Variants in ARHGEF38 observed in about 807,000 individuals in gnomAD.
ARHGEF38 encodes Rho guanine nucleotide exchange factor (GEF) 38.
Under a neutral mutation model 79.9 loss-of-function variants are expected in ARHGEF38, and 79 were observed. That is an observed-to-expected ratio of 0.99 (90% CI 0.82 to 1.19). The LOEUF (loss-of-function observed/expected upper bound fraction) is 1.19, where lower values mean the gene tolerates loss of function less well. ARHGEF38 is among the 50% of genes most tolerant of loss of function. The pLI is 0.00. For missense variants in ARHGEF38, 962 were observed against 907.2 expected (o/e 1.06, Z -0.78); for synonymous variants, 366 against 328.3 (o/e 1.11, Z -1.24).
chr4:105,650,717 T>C (rs1480922662), intron 7 of ARHGEF38, among the ~76,000 whole-genome samples: 1 of 152,216 alleles, frequency 6.6e-6, no homozygotes, highest in African/African-American at 2.4e-5. Flanking sequence ...CTTGTGACTG[T>C]ACCAAATTTA....
At chr4:105,672,369 A>G (rs1456745492) in intron 13 of ARHGEF38, among the ~76,000 whole-genome samples, 1 of 152,192 alleles carries the variant, frequency 6.6e-6, no homozygotes, top group Non-Finnish European at 1.5e-5. Context: ...AAGTTCCCCC[A>G]AATTATATTC....
intron 13 of ARHGEF38, 63 bp downstream of exon 13, chr4:105,667,766 C>G (rs1036277171): frequency 1.3e-6 from 2 of 1,500,688 alleles, no homozygotes; most frequent in Non-Finnish European, 8.9e-7. Flanking sequence ...CTCTACTGTA[C>G]TCTATAATAC....
At chr4:105,589,961 C>T (rs568217578) in intron 2 of ARHGEF38, among the ~76,000 whole-genome samples, 3 of 151,446 alleles carry the variant, frequency 2.0e-5, no homozygotes, top group African/African-American at 7.3e-5. Context: ...ATTGCTTGAA[C>T]CCGGGAGACA....
intron 1 of ARHGEF38, chr4:105,563,242 T>C (rs1186851805): frequency 3.3e-5 from 5 of 152,154 alleles, no homozygotes; most frequent in African/African-American, 1.2e-4. Flanking sequence ...AAGAGCTTAA[T>C]TGCACCTCTG....
At chr4:105,604,490 C>G (rs1005305603) in intron 2 of ARHGEF38, among the ~76,000 whole-genome samples, 3 of 152,038 alleles carry the variant, frequency 2.0e-5, no homozygotes, top group Non-Finnish European at 4.4e-5. Flanking sequence ...CTTTTCCTTT[C>G]TTTTGCAAAA....
intron 1 of ARHGEF38, among the ~76,000 whole-genome samples, chr4:105,562,471 T>C (rs1468575414): frequency 6.6e-6 from 1 of 152,184 alleles, no homozygotes; most frequent in Non-Finnish European, 1.5e-5. Context: ...CACTATGTAA[T>C]GGTAGTTAAC....
intron 1 of ARHGEF38, among the ~76,000 whole-genome samples, chr4:105,585,120 G>A (rs547311870): frequency 6.6e-6 from 1 of 152,202 alleles, no homozygotes; most frequent in South Asian, 2.1e-4. Flanking sequence ...TGGGATAATT[G>A]TTTGCTCTAG....
At position 105,587,450 on chromosome 4, in the gene ARHGEF38, T is replaced by C. The variant is rs1444875198; in HGVS notation, c.197-1798T>C. ...TCTGTTCTTATATAGCTCATGTGGA[T>C]TATGATTTATGATTATGATTATTAT... is the stretch of plus-strand genomic sequence containing the variant. On this transcript the variant is annotated intron_variant, in intron 1 of 13. Coordinates refer to ENST00000420470, the MANE Select transcript of ARHGEF38 (RefSeq NM_001242729.2). Among the ~76,000 whole-genome samples the C allele has an allele frequency of 2.6e-5, 4 of 152,080 alleles. No homozygotes were observed. The South Asian group carries it at 6.2e-4, about 24-fold the overall frequency.
chr4:105,568,132 A>C (rs576801924), intron 1 of ARHGEF38, among the ~76,000 whole-genome samples: 5 of 151,876 alleles, frequency 3.3e-5, no homozygotes, highest in African/African-American at 1.2e-4. Context: ...TTATGGCTGC[A>C]TAGTATTCCA....
At chr4:105,605,750 A>G (rs1317624583) in intron 2 of ARHGEF38, among the ~76,000 whole-genome samples, 1 of 152,160 alleles carries the variant, frequency 6.6e-6, no homozygotes, top group Non-Finnish European at 1.5e-5. Flanking sequence ...TAAATGCCAT[A>G]GTAATGAGTT....
intron 2 of ARHGEF38, among the ~76,000 whole-genome samples, chr4:105,612,332 T>C (rs571578621): frequency 6.6e-6 from 1 of 152,278 alleles, no homozygotes; most frequent in South Asian, 2.1e-4. Flanking sequence ...TTTTCTTTAA[T>C]TGGATTCTCT....
At position 105,648,658 on chromosome 4, in the gene ARHGEF38, G is replaced by A. The variant is rs748606061; in HGVS notation, c.984G>A (p.Lys328=). The stretch of plus-strand genomic sequence containing the variant: ...CAAAAAGAGTGACAAATCATCTGAA[G>A]ATTCTGACCAGAGGAGAATCACAGG... The part of the protein sequence containing the change: ...KKSKRVTNHL[K]ILTRGESQVK... The change falls in exon 7 of 14, where the codon AAG becomes AAA. Residue 328 remains lysine (K), a synonymous_variant. Coordinates refer to ENST00000420470, the MANE Select transcript of ARHGEF38 (RefSeq NM_001242729.2). 7 of 1,530,572 alleles carry A rather than the reference G, an allele frequency of 4.6e-6. No individual in the cohort carries two copies. The South Asian group carries it at 4.8e-5, about 11-fold the overall frequency. 94.8% of individuals were successfully genotyped at this position (1,530,572 alleles called of 1,614,324 possible).
At chr4:105,638,320 A>T (rs537395298) in intron 5 of ARHGEF38, among the ~76,000 whole-genome samples, 2 of 152,292 alleles carry the variant, frequency 1.3e-5, no homozygotes, top group Non-Finnish European at 2.9e-5. Flanking sequence ...AACATCAGAC[A>T]GTATTAAAGT....
chr4:105,666,494 G>A (rs1337386400), intron 11 of ARHGEF38, among the ~76,000 whole-genome samples, 174 bp downstream of exon 11: 2 of 152,072 alleles, frequency 1.3e-5, no homozygotes, highest in Non-Finnish European at 2.9e-5. Context: ...ATAAGATCAT[G>A]GATTTTTTTT....
intron 1 of ARHGEF38, among the ~76,000 whole-genome samples, chr4:105,583,010 T>C (rs1351443842): frequency 1.3e-5 from 2 of 152,212 alleles, no homozygotes; most frequent in Non-Finnish European, 2.9e-5. Context: ...TCTTCTTGTG[T>C]GCTTATGTTC....
intron 2 of ARHGEF38, among the ~76,000 whole-genome samples, chr4:105,612,252 TTGTC>T (rs1728326703): frequency 6.6e-6 from 1 of 152,108 alleles, no homozygotes; most frequent in South Asian, 2.1e-4. Context: ...TTGTTGGCCT[TTGTC>T]TGCAGAATTC....
intron 1 of ARHGEF38, among the ~76,000 whole-genome samples, chr4:105,566,763 T>TC (rs1176878299): frequency 6.6e-6 from 1 of 151,656 alleles, no homozygotes; most frequent in African/African-American, 2.4e-5. Flanking sequence ...TTTTTTTTTT[T>TC]TTTTTAAGAG....
At chr4:105,643,911 T>C (rs1163913386) in intron 5 of ARHGEF38, among the ~76,000 whole-genome samples, 3 of 135,658 alleles carry the variant, frequency 2.2e-5, no homozygotes, top group Non-Finnish European at 4.6e-5. Context: ...AGGCTCTCAC[T>C]CTGTTGCCCA....
intron 3 of ARHGEF38, among the ~76,000 whole-genome samples, chr4:105,627,128 G>T (rs1446647925): frequency 4.6e-5 from 7 of 152,086 alleles, no homozygotes; most frequent in African/African-American, 1.7e-4. Flanking sequence ...GGAAGAGTTG[G>T]TTCTTTGTAT....
Sources: gnomAD v4.1 joint callset for allele counts (sites outside exome capture counted in the v4.1 genomes callset) on GRCh38, gnomAD v4.1.1 for gene constraint, MANE v1.5 for transcripts, NCBI Gene and HGNC (gene_info 2026-07-23, HGNC 2026-07-21) for gene names.